Variants in DEPDC4 observed in about 807,000 individuals in gnomAD.
DEPDC4 encodes the protein DEP domain containing 4.
In DEPDC4, 52 loss-of-function variants were observed where a neutral mutation model predicts 52.0. That is an observed-to-expected ratio of 1.00 (90% confidence interval 0.80 to 1.26). The LOEUF is 1.26. Among genes scored for constraint, DEPDC4 ranks in the 50% most tolerant of loss-of-function variants. The pLI is 0.00. For missense variants in DEPDC4, 530 were observed against 546.9 expected (o/e 0.97, Z 0.31); for synonymous variants, 201 against 196.8 (o/e 1.02, Z -0.18).
At chr12:100,266,454 T>C (rs1327837511) in intron 1 of DEPDC4, among the ~76,000 whole-genome samples, 7 of 152,128 alleles carry the variant, frequency 4.6e-5, no homozygotes, top group Admixed American at 1.3e-4. Context: ...CTGTTTTCCA[T>C]AGACAGTCTA....
intron 7 of DEPDC4, among the ~76,000 whole-genome samples, chr12:100,249,426 A>G (rs2096199049): frequency 6.6e-6 from 1 of 152,192 alleles, no homozygotes; most frequent in African/African-American, 2.4e-5. Flanking sequence ...AAGTGGGAAG[A>G]TCGCTTGAGT....
At chr12:100,281,943 T>G in the DEPDC4 span, among the ~76,000 whole-genome samples, 1 of 151,976 alleles carries the variant, frequency 6.6e-6, no homozygotes, top group East Asian at 1.9e-4. Context: ...TCAACACCTG[T>G]GAAAAGGGGT....
chr12:100,246,032 T>C lies in DEPDC4; in HGVS notation c.1453+2868A>G, dbSNP rs1472536767. Among the ~76,000 whole-genome samples the C allele has an allele frequency of 2.0e-5, 3 of 151,738 alleles. No individual in the cohort carries two copies. The East Asian group carries it at 5.8e-4, about 29-fold the overall frequency. ...CTGAGTTCAGTGGCATGATCAAGGCTCACTGCAGCCTTGACCTACTGAGCT... is the reference window on the plus strand; with the variant it reads ...CTGAGTTCAGTGGCATGATCAAGGCCCACTGCAGCCTTGACCTACTGAGCT... On this transcript the variant is annotated intron_variant, in intron 8 of 9. Transcript: ENST00000550587.
At chr12:100,250,846 T>G (rs2096204724) in intron 7 of DEPDC4, among the ~76,000 whole-genome samples, 1 of 152,182 alleles carries the variant, frequency 6.6e-6, no homozygotes, top group East Asian at 1.9e-4. Context: ...GGGCCCTTAC[T>G]ACCATCTATT....
At chr12:100,280,858 A>G in the DEPDC4 span, among the ~76,000 whole-genome samples, 4 of 152,094 alleles carry the variant, frequency 2.6e-5, no homozygotes, top group African/African-American at 2.4e-5. Context: ...TAAATATTCA[A>G]CCTGTAACAA....
upstream of DEPDC4, chr12:100,267,505 C>T (rs931688629): frequency 1.9e-5 from 3 of 155,238 alleles, no homozygotes; most frequent in Non-Finnish European, 4.3e-5. Context: ...CGGGTTAGGC[C>T]TCCCAGGGCC....
At position 100,241,310 on chromosome 12, in the gene DEPDC4, A is replaced by C. The variant is rs1475948631; in HGVS notation, c.*582T>G. Among the ~76,000 whole-genome samples the C allele has an allele frequency of 6.6e-6, 1 of 151,730 alleles. No homozygotes were observed. Among genetic ancestry groups the C allele is most frequent in the Non-Finnish European group, 1.5e-5 (1 of 68,026 alleles). ...TTTTAGCAGCATAATTAAGTGAATC[A>C]GCAAACATGAAGGCTAACTTGTATT... On this transcript the variant is annotated 3_prime_UTR_variant, in exon 10 of 10. Coordinates refer to ENST00000550587, the MANE Select transcript of DEPDC4 (RefSeq NM_001364818.2).
At chr12:100,238,412 G>C (rs1195712844), downstream of DEPDC4, among the ~76,000 whole-genome samples, 2 of 150,966 alleles carry the variant, frequency 1.3e-5, no homozygotes, top group Non-Finnish European at 3.0e-5. Context: ...TGCCTGCCTT[G>C]GCCTACCAAA....
upstream of DEPDC4, among the ~76,000 whole-genome samples, chr12:100,269,198 C>G (rs780675311): frequency 4.6e-5 from 7 of 152,144 alleles, no homozygotes; most frequent in Admixed American, 3.3e-4. Flanking sequence ...GGTCCCCTTT[C>G]CAAACTCATC....
rs1387991561 is a variant in DEPDC4, at chr12:100,256,199, C to T, written c.728G>A (p.Cys243Tyr). The change falls in exon 4 of 10, where the codon TGT (cysteine) becomes TAT (tyrosine). Residue 243 changes from cysteine to tyrosine, a missense_variant. Coordinates refer to ENST00000550587, the MANE Select transcript of DEPDC4 (RefSeq NM_001364818.2). ...TGGAAGGTGAATCAATTGAAGAAGA[C>T]ATAATAATGTTTGTTCTTTCCAAAC... ...EDVWKEQTLL[C>Y]LLQLIHLPFL... 1.2e-6 allele frequency: 2 copies of T among 1,612,134 alleles called. No homozygotes were observed. The highest frequency in any genetic ancestry group is 2.2e-5 in the East Asian group (1 of 44,706).
Position 100,256,190 on chromosome 12 carries a change from TG to T in DEPDC4, c.736del (p.Gln246AsnfsTer2), listed in dbSNP as rs1179748120. ...WKEQTLLCLL[Q>X]LIHLPFLDNI... Reference sequence around the variant, plus strand: ...GTCCAAGAATGGAAGGTGAATCAATTGAAGAAGACATAATAATGTTTGTTCT... The same window carrying T: ...GTCCAAGAATGGAAGGTGAATCAATTAAGAAGACATAATAATGTTTGTTCT... On this transcript the variant is annotated frameshift_variant, in exon 4 of 10. Transcript: ENST00000550587. LOFTEE classifies it high-confidence loss of function. 3.7e-6 allele frequency: 6 copies of T among 1,612,836 alleles called. No individual in the cohort carries two copies. Among genetic ancestry groups the T allele is most frequent in the Non-Finnish European group, 5.1e-6 (6 of 1,179,220 alleles).
chr12:100,231,816 A>T (rs993414501), intron 9 of DEPDC4, among the ~76,000 whole-genome samples: 1 of 152,058 alleles, frequency 6.6e-6, no homozygotes. Context: ...GTGGTGGGTC[A>T]CGCTTGTAGT....
At chr12:100,264,869 A>T (rs910726023) in intron 1 of DEPDC4, among the ~76,000 whole-genome samples, 7 of 152,166 alleles carry the variant, frequency 4.6e-5, no homozygotes, top group African/African-American at 1.7e-4. Context: ...CTTATTTTAC[A>T]TGGACATATT....
intron 7 of DEPDC4, among the ~76,000 whole-genome samples, chr12:100,249,507 A>G (rs1230883082): frequency 6.6e-6 from 1 of 152,168 alleles, no homozygotes; most frequent in Non-Finnish European, 1.5e-5. Context: ...AAAACCCCCA[A>G]ACAAAATAGG....
Position 100,240,964 on chromosome 12 carries a change from G to C in DEPDC4, c.*928C>G, listed in dbSNP as rs1259193003. On this transcript the variant is annotated 3_prime_UTR_variant, in exon 10 of 10. Coordinates refer to ENST00000550587, the MANE Select transcript of DEPDC4 (RefSeq NM_001364818.2). ...GCTACTCGGGAGGCTGAGGCAGGGA[G>C]AATTGCTTGAACCCAGGAGGCAGAG... Among the ~76,000 whole-genome samples the C allele has an allele frequency of 6.6e-6, 1 of 152,158 alleles. No individual in the cohort carries two copies. Among genetic ancestry groups the C allele is most frequent in the African/African-American group, 2.4e-5 (1 of 41,442 alleles).
intron 1 of DEPDC4, 128 bp from the exon 2 acceptor site, chr12:100,264,021 T>A (rs1269881274): frequency 3.7e-6 from 3 of 801,864 alleles, no homozygotes; most frequent in Non-Finnish European, 5.8e-6. Context: ...ACGTGTCATC[T>A]CACATCTTAC....
rs1290955814 is a variant in DEPDC4, at chr12:100,241,003, G to T, written c.*889C>A. Among the ~76,000 whole-genome samples the T allele has an allele frequency of 6.6e-6, 1 of 152,176 alleles. No homozygotes were observed. The highest frequency in any genetic ancestry group is 1.5e-5 in the Non-Finnish European group (1 of 68,028). The stretch of plus-strand genomic sequence containing the variant: ...CAGGAGGCAGAGGTTGCAGTGAGGT[G>T]AGATGGTGCCACTGCACTCCAGCCT... On this transcript the variant is annotated 3_prime_UTR_variant, in exon 10 of 10. Transcript: ENST00000550587.
At chr12:100,269,789 C>T (rs761307330), upstream of DEPDC4, among the ~76,000 whole-genome samples, 2 of 152,106 alleles carry the variant, frequency 1.3e-5, no homozygotes, top group African/African-American at 2.4e-5. Flanking sequence ...GAATCACTTA[C>T]GGAGCTTTCT....
chr12:100,240,793 C>T lies in DEPDC4; in HGVS notation c.*1099G>A, dbSNP rs7298742. On this transcript the variant is annotated 3_prime_UTR_variant, in exon 10 of 10. Transcript: ENST00000550587. ...TGTGGCCGGGTGTGGTGGCTCACGC[C>T]TGTAATCCCAGCACCTTGGGAGGCT... Among the ~76,000 whole-genome samples the T allele has an allele frequency of 0.024, 3,671 of 152,332 alleles. 89 individuals carry two copies. Among genetic ancestry groups the T allele is most frequent in the African/African-American group, 0.059 (2,453 of 41,566 alleles).
Sources: allele counts gnomAD v4.1 joint callset (sites outside exome capture counted in the v4.1 genomes callset), GRCh38; gene constraint gnomAD v4.1.1; transcripts MANE v1.5; gene names NCBI Gene and HGNC (gene_info 2026-07-23, HGNC 2026-07-21).